The following ZNF804B variants were observed in gnomAD, a reference collection of about 807,000 sequenced individuals.
The protein encoded by ZNF804B is zinc finger protein 804B, also known as zinc finger 804B.
Under a neutral mutation model 101.4 loss-of-function variants are expected in ZNF804B, and 80 were observed. That is an observed-to-expected ratio of 0.79 (90% CI 0.66 to 0.95). The LOEUF is 0.95. Among genes scored for constraint, ZNF804B ranks in the 40% least tolerant of loss-of-function variants. ZNF804B has a pLI of 0.00. For missense variants in ZNF804B, 1,673 were observed against 1,561.9 expected (o/e 1.07, Z -1.20); for synonymous variants, 622 against 558.8 (o/e 1.11, Z -1.59).
intron 1 of ZNF804B, among the ~76,000 whole-genome samples, chr7:89,180,263 G>T (rs1049960458): frequency 6.6e-6 from 1 of 152,188 alleles, no homozygotes; most frequent in African/African-American, 2.4e-5. Flanking sequence ...CTGGCCCAGG[G>T]TTGGTCTAGA....
At chr7:88,836,744 C>T (rs1361388444) in intron 1 of ZNF804B, among the ~76,000 whole-genome samples, 1 of 151,828 alleles carries the variant, frequency 6.6e-6, no homozygotes, top group Non-Finnish European at 1.5e-5. Flanking sequence ...TTCGCTCTTT[C>T]CCAGTATTCT....
chr7:89,075,003 G>GT (rs1220129147), intron 1 of ZNF804B, among the ~76,000 whole-genome samples: 3 of 152,134 alleles, frequency 2.0e-5, no homozygotes, highest in East Asian at 3.9e-4. Context: ...ATGATTTAGG[G>GT]TATCTGGCAG....
chr7:89,233,669 A>G (rs1789233759), intron 2 of ZNF804B, among the ~76,000 whole-genome samples: 1 of 150,198 alleles, frequency 6.7e-6, no homozygotes, highest in Non-Finnish European at 1.5e-5. Context: ...ATGGACTTTC[A>G]CTCTTGTTGC....
At chr7:88,789,839 G>C (rs1790353497) in intron 1 of ZNF804B, among the ~76,000 whole-genome samples, 1 of 152,128 alleles carries the variant, frequency 6.6e-6, no homozygotes, top group Non-Finnish European at 1.5e-5. Flanking sequence ...TTATGATACA[G>C]TCACTGGATG....
rs540722976 is a variant in ZNF804B at position 89,124,623 on chromosome 7, T to C, written c.109-93532T>C. ...TGAGAAGAAGTAATTCGTCAAAACT[T>C]AGATGAAGAGAAAATAGAGAAGCGC... On this transcript the variant is annotated intron_variant, in intron 1 of 3. Coordinates refer to ENST00000333190, the MANE Select transcript of ZNF804B (RefSeq NM_181646.5). Among the ~76,000 whole-genome samples, 9 of 152,200 alleles carry C rather than the reference T, an allele frequency of 5.9e-5. No individual in the cohort carries two copies. In the East Asian group the frequency reaches 1.7e-3, roughly 29 times the overall value.
At chr7:89,120,206 T>C (rs1440366054) in intron 1 of ZNF804B, among the ~76,000 whole-genome samples, 1 of 151,996 alleles carries the variant, frequency 6.6e-6, no homozygotes, top group Non-Finnish European at 1.5e-5. Context: ...ATTGCTTGCT[T>C]GAACCTAGGA....
At chr7:89,234,037 TG>T (rs1359280136) in intron 2 of ZNF804B, among the ~76,000 whole-genome samples, 1 of 151,970 alleles carries the variant, frequency 6.6e-6, no homozygotes, top group African/African-American at 2.4e-5. Flanking sequence ...CATACCTGTT[TG>T]CAAAAGGGAG....
chr7:89,074,420 T>A (rs1789586604), intron 1 of ZNF804B, among the ~76,000 whole-genome samples: 1 of 152,140 alleles, frequency 6.6e-6, no homozygotes, highest in South Asian at 2.1e-4. Flanking sequence ...GTGCTGTTCT[T>A]GTGATAGTGA....
intron 1 of ZNF804B, among the ~76,000 whole-genome samples, chr7:89,208,248 A>T (rs1386250965): frequency 6.6e-6 from 1 of 151,692 alleles, no homozygotes; most frequent in East Asian, 1.9e-4. Context: ...CGCCTGGCTA[A>T]TTTTTTTGTA....
chr7:89,137,676 T>G (rs1341036604), intron 1 of ZNF804B, among the ~76,000 whole-genome samples: 1 of 152,070 alleles, frequency 6.6e-6, no homozygotes, highest in Admixed American at 6.6e-5. Context: ...TTTGGAAAAT[T>G]TGCAGCCTGA....
intron 2 of ZNF804B, among the ~76,000 whole-genome samples, chr7:89,324,832 T>A (rs537622263): frequency 2.0e-5 from 3 of 151,876 alleles, no homozygotes; most frequent in Non-Finnish European, 4.4e-5. Context: ...GTTGGCTATT[T>A]TTTTTTGTAT....
intron 3 of ZNF804B, among the ~76,000 whole-genome samples, chr7:89,331,100 G>A (rs1180802571): frequency 6.6e-6 from 1 of 151,544 alleles, no homozygotes; most frequent in Non-Finnish European, 1.5e-5. Context: ...TAGACTTGTG[G>A]AATAATTTCA....
chr7:89,331,834 C>A (rs1790988418), intron 3 of ZNF804B, among the ~76,000 whole-genome samples: 1 of 151,192 alleles, frequency 6.6e-6, no homozygotes, highest in Admixed American at 6.6e-5. Context: ...TTCAGGAGAG[C>A]CAATGATTTT....
At chr7:89,019,259 T>A (rs1788619805) in intron 1 of ZNF804B, among the ~76,000 whole-genome samples, 1 of 152,078 alleles carries the variant, frequency 6.6e-6, no homozygotes, top group South Asian at 2.1e-4. Flanking sequence ...TTCAGGAACA[T>A]GTTGCTTAAT....
intron 1 of ZNF804B, among the ~76,000 whole-genome samples, chr7:88,925,670 T>C (rs1207165203): frequency 6.6e-6 from 1 of 152,162 alleles, no homozygotes; most frequent in Non-Finnish European, 1.5e-5. Flanking sequence ...TCATTGCTGA[T>C]GCCCTTCTCC....
At chr7:89,147,586 A>G (rs1790810357) in intron 1 of ZNF804B, among the ~76,000 whole-genome samples, 1 of 152,008 alleles carries the variant, frequency 6.6e-6, no homozygotes, top group Non-Finnish European at 1.5e-5. Flanking sequence ...CTGGGCTGCT[A>G]CCAGTCTGTT....
At position 89,302,258 on chromosome 7, in the gene ZNF804B, G is replaced by A. The variant is rs1790487010; in HGVS notation, c.250-25086G>A. Among the ~76,000 whole-genome samples, 3 of 151,612 alleles carry A rather than the reference G, an allele frequency of 2.0e-5. No homozygotes were observed. In the South Asian group the frequency reaches 6.2e-4, roughly 31 times the overall value. On this transcript the variant is annotated intron_variant, in intron 2 of 3. Coordinates refer to ENST00000333190, the MANE Select transcript of ZNF804B (RefSeq NM_181646.5). Reference sequence around the variant, plus strand: ...AAGATTTATACCCTCCTTTCACATTGCTTGTACCTGTATTAGAGTTAAGCC... The same window carrying A: ...AAGATTTATACCCTCCTTTCACATTACTTGTACCTGTATTAGAGTTAAGCC...
At chr7:88,790,324 G>T (rs559719355) in intron 1 of ZNF804B, among the ~76,000 whole-genome samples, 3 of 151,746 alleles carry the variant, frequency 2.0e-5, no homozygotes, top group African/African-American at 4.8e-5. Flanking sequence ...GATTTTTTAC[G>T]TAGGTAAATG....
At chr7:88,967,312 A>G (rs1793470117) in intron 1 of ZNF804B, among the ~76,000 whole-genome samples, 1 of 151,616 alleles carries the variant, frequency 6.6e-6, no homozygotes, top group South Asian at 2.1e-4. Context: ...GGCAGGAGTG[A>G]GAGAGCAAAG....
Sources: allele counts gnomAD v4.1 joint callset (sites outside exome capture counted in the v4.1 genomes callset), GRCh38; gene constraint gnomAD v4.1.1; transcripts MANE v1.5; gene names NCBI Gene and HGNC (gene_info 2026-07-23, HGNC 2026-07-21).